TMEM108: variants seen among roughly 807,000 people sequenced by gnomAD.
TMEM108 encodes cancer/testis antigen 124.
TMEM108 carries 12 observed loss-of-function variants against 35.1 expected under a neutral mutation model. The ratio of observed to expected loss-of-function variants is 0.34; its 90% CI spans 0.22 to 0.55. TMEM108 has a LOEUF of 0.55. TMEM108 is among the 20% of genes least tolerant of loss of function. The probability of loss-of-function intolerance (pLI) is 0.89; values close to 1 mark genes in which losing one functional copy is unlikely to be tolerated. For synonymous variants in TMEM108, 287 were observed against 308.6 expected (o/e 0.93, Z 0.73); for missense variants, 680 against 753.3 (o/e 0.90, Z 1.14).
chr3:133,130,844 G>T (rs534836383), intron 2 of TMEM108, among the ~76,000 whole-genome samples: 1 of 152,248 alleles, frequency 6.6e-6, no homozygotes, highest in African/African-American at 2.4e-5. Flanking sequence ...GAGCATATTG[G>T]CATTAAAATG....
At position 133,109,864 on chromosome 3, in the gene TMEM108, C is replaced by T. The variant is rs567866671; in HGVS notation, c.-47+63844C>T. Among the ~76,000 whole-genome samples, 11 of 152,170 alleles carry T rather than the reference C, an allele frequency of 7.2e-5. No individual in the cohort carries two copies. The East Asian group carries it at 2.1e-3, about 29-fold the overall frequency. The stretch of plus-strand genomic sequence containing the variant: ...GTTATGCAGGGGGTGCAGCCTCCTG[C>T]CTAATAATCAGTGTGACCTTAGTTT... On this transcript the variant is annotated intron_variant, in intron 2 of 5. Coordinates refer to ENST00000321871, the MANE Select transcript of TMEM108 (RefSeq NM_023943.4).
At chr3:133,393,662 T>C (rs778278181) in intron 5 of TMEM108, among the ~76,000 whole-genome samples, 23 of 152,196 alleles carry the variant, frequency 1.5e-4, no homozygotes, top group Admixed American at 7.2e-4. Context: ...TCCTGAGATC[T>C]GTTGTAGTAA....
At chr3:133,144,198 C>T (rs1944682534) in intron 2 of TMEM108, among the ~76,000 whole-genome samples, 1 of 152,066 alleles carries the variant, frequency 6.6e-6, no homozygotes, top group Non-Finnish European at 1.5e-5. Flanking sequence ...ATTCAACTTC[C>T]ACTTATGAGT....
At chr3:133,072,002 T>C (rs1943681556) in intron 2 of TMEM108, among the ~76,000 whole-genome samples, 1 of 152,230 alleles carries the variant, frequency 6.6e-6, no homozygotes, top group East Asian at 1.9e-4. Flanking sequence ...TGGTATATGA[T>C]GTAAGACAAG....
At chr3:133,105,317 C>G (rs907416311) in intron 2 of TMEM108, among the ~76,000 whole-genome samples, 3 of 152,252 alleles carry the variant, frequency 2.0e-5, no homozygotes, top group Non-Finnish European at 4.4e-5. Flanking sequence ...GTCCATGGCT[C>G]TCTTCCTCCA....
chr3:133,162,950 C>T (rs1370136092), intron 2 of TMEM108, among the ~76,000 whole-genome samples: 1 of 152,138 alleles, frequency 6.6e-6, no homozygotes, highest in Non-Finnish European at 1.5e-5. Flanking sequence ...GTAACATGGA[C>T]ATAATAGTAA....
chr3:133,198,825 G>A (rs762040583), intron 2 of TMEM108, among the ~76,000 whole-genome samples: 5 of 151,944 alleles, frequency 3.3e-5, no homozygotes, highest in Non-Finnish European at 5.9e-5. Context: ...TTTGAATGTC[G>A]GCCTGCCTTG....
intron 2 of TMEM108, among the ~76,000 whole-genome samples, chr3:133,061,139 T>A (rs1943529621): frequency 6.6e-6 from 1 of 152,162 alleles, no homozygotes; most frequent in Non-Finnish European, 1.5e-5. Flanking sequence ...AGCAGTGTTT[T>A]TTCCAAGTGA....
At chr3:133,135,156 CG>C (rs1944547033) in intron 2 of TMEM108, among the ~76,000 whole-genome samples, 1 of 140,010 alleles carries the variant, frequency 7.1e-6, no homozygotes, top group Non-Finnish European at 1.5e-5. Flanking sequence ...CATCTGCTAT[CG>C]TTTTTTTTTT....
At chr3:133,278,881 C>T (rs1276501996) in intron 3 of TMEM108, among the ~76,000 whole-genome samples, 1 of 152,116 alleles carries the variant, frequency 6.6e-6, no homozygotes, top group African/African-American at 2.4e-5. Flanking sequence ...CCACCCAGAC[C>T]TAATGAATTA....
intron 3 of TMEM108, among the ~76,000 whole-genome samples, chr3:133,284,201 G>C (rs1280806210): frequency 2.6e-5 from 4 of 152,128 alleles, no homozygotes; most frequent in Non-Finnish European, 4.4e-5. Flanking sequence ...ATATCCCCCT[G>C]CAGGGCATGT....
chr3:133,082,097 T>C (rs1242384024), intron 2 of TMEM108, among the ~76,000 whole-genome samples: 4 of 152,224 alleles, frequency 2.6e-5, no homozygotes, highest in Non-Finnish European at 5.9e-5. Flanking sequence ...GCATACTTTA[T>C]GACCTCTGCA....
At chr3:133,354,334 T>A (rs947852082) in intron 3 of TMEM108, among the ~76,000 whole-genome samples, 1 of 152,076 alleles carries the variant, frequency 6.6e-6, no homozygotes, top group African/African-American at 2.4e-5. Flanking sequence ...CATCTGGAGA[T>A]TCAGATCATG....
chr3:133,221,343 T>C (rs1945987087), intron 2 of TMEM108, among the ~76,000 whole-genome samples: 1 of 152,076 alleles, frequency 6.6e-6, no homozygotes, highest in South Asian at 2.1e-4. Flanking sequence ...TTAGGAACTC[T>C]GTGTTGAATG....
chr3:133,347,816 A>G (rs2107761943), intron 3 of TMEM108, among the ~76,000 whole-genome samples: 1 of 152,230 alleles, frequency 6.6e-6, no homozygotes, highest in East Asian at 1.9e-4. Context: ...TTTTTTCATA[A>G]TTGCAACAGA....
intron 3 of TMEM108, among the ~76,000 whole-genome samples, chr3:133,301,751 T>C (rs1375740517): frequency 6.6e-6 from 1 of 152,220 alleles, no homozygotes; most frequent in Non-Finnish European, 1.5e-5. Flanking sequence ...ATCATTTTCA[T>C]TGAATTTCAT....
intron 2 of TMEM108, among the ~76,000 whole-genome samples, chr3:133,104,059 C>T (rs1483621653): frequency 6.6e-6 from 1 of 152,124 alleles, no homozygotes; most frequent in African/African-American, 2.4e-5. Context: ...TCACACACTC[C>T]TTGCAAAGAA....
intron 3 of TMEM108, among the ~76,000 whole-genome samples, chr3:133,272,279 G>A (rs1337641046): frequency 1.4e-5 from 2 of 140,130 alleles, no homozygotes; most frequent in African/African-American, 6.3e-5. Flanking sequence ...GTACGTGTGT[G>A]TGTGTGTGTG....
intron 2 of TMEM108, among the ~76,000 whole-genome samples, chr3:133,097,057 C>A (rs6795225): frequency 0.25 from 37,804 of 152,104 alleles, 4,916 homozygotes; most frequent in Admixed American, 0.34. Context: ...ATTGGCCATT[C>A]CAAATAATGT....
Sources: allele counts gnomAD v4.1 joint callset (sites outside exome capture counted in the v4.1 genomes callset), GRCh38; gene constraint gnomAD v4.1.1; transcripts MANE v1.5; gene names NCBI Gene and HGNC (gene_info 2026-07-23, HGNC 2026-07-21).